The following PRELID2 variants were observed in gnomAD, a reference collection of about 807,000 sequenced individuals.
PRELID2 encodes PRELI domain-containing protein 2.
Under a neutral mutation model 28.4 loss-of-function variants are expected in PRELID2, and 25 were observed. The ratio of observed to expected loss-of-function variants is 0.88; its 90% confidence interval spans 0.64 to 1.23. The LOEUF (loss-of-function observed/expected upper bound fraction) is 1.23, where lower values mean the gene tolerates loss of function less well. Ranked by LOEUF, PRELID2 falls within the 50% of genes most tolerant of loss-of-function variation. The pLI is 0.00. For synonymous variants in PRELID2, 76 were observed against 71.6 expected, an observed-to-expected ratio of 1.06 and a Z score of -0.31; for missense variants, 201 against 214.4, an observed-to-expected ratio of 0.94 and a Z score of 0.39.
chr5:145,787,729 C>G (rs187006015), intron 5 of PRELID2, among the ~76,000 whole-genome samples: 1 of 151,940 alleles, frequency 6.6e-6, no homozygotes, highest in Admixed American at 6.6e-5. Context: ...TCTGTAGAGA[C>G]GAGATCTCCC....
intron 5 of PRELID2, chr5:145,796,154 A>G (rs958367404): frequency 7.6e-5 from 17 of 225,042 alleles, no homozygotes; most frequent in Non-Finnish European, 1.5e-4. Flanking sequence ...CATACTATAC[A>G]TTATTATTCA....
chr5:145,452,889 C>G, the PRELID2 span, among the ~76,000 whole-genome samples: 1 of 152,108 alleles, frequency 6.6e-6, no homozygotes, highest in Non-Finnish European at 1.5e-5. Flanking sequence ...GGGCCATTTC[C>G]TGGGTGACAA....
chr5:145,792,934 G>A (rs1581214518), intron 5 of PRELID2, among the ~76,000 whole-genome samples: 2 of 152,174 alleles, frequency 1.3e-5, no homozygotes, highest in East Asian at 1.9e-4. Flanking sequence ...GAATAGGGAG[G>A]GCCAAAGTGA....
At chr5:145,738,155 C>T (rs369108201) in intron 1 of PRELID2, among the ~76,000 whole-genome samples, 1 of 152,156 alleles carries the variant, frequency 6.6e-6, no homozygotes, top group African/African-American at 2.4e-5. Flanking sequence ...TGAGTGGGAA[C>T]CTTTATCTCC....
chr5:145,494,712 C>T (rs994849534), intron 1 of PRELID2, among the ~76,000 whole-genome samples: 4 of 151,898 alleles, frequency 2.6e-5, no homozygotes, highest in African/African-American at 9.7e-5. Context: ...GTATTATGTA[C>T]CATGAGAAGA....
the PRELID2 span, among the ~76,000 whole-genome samples, chr5:145,452,462 T>G: frequency 1.3e-5 from 2 of 152,202 alleles, no homozygotes; most frequent in Non-Finnish European, 2.9e-5. Flanking sequence ...TCTTATTTTT[T>G]GGACCTCAAC....
intron 5 of PRELID2, among the ~76,000 whole-genome samples, chr5:145,777,646 C>A (rs1421907174): frequency 6.6e-6 from 1 of 152,126 alleles, no homozygotes; most frequent in Non-Finnish European, 1.5e-5. Context: ...CTGGCAGGAG[C>A]CCAGGGGCAG....
chr5:145,568,404 C>T (rs1048466769), intron 1 of PRELID2, among the ~76,000 whole-genome samples: 2 of 152,166 alleles, frequency 1.3e-5, no homozygotes, highest in South Asian at 2.1e-4. Context: ...TGGTTATCCA[C>T]GACTATTCTC....
the PRELID2 span, among the ~76,000 whole-genome samples, chr5:145,367,670 GCCTTTT>G: frequency 6.6e-6 from 1 of 151,794 alleles, no homozygotes; most frequent in East Asian, 1.9e-4. Flanking sequence ...TCACAGTTTT[GCCTTTT>G]CCATAACGTC....
the PRELID2 span, among the ~76,000 whole-genome samples, chr5:145,271,240 T>C: frequency 6.6e-6 from 1 of 152,020 alleles, no homozygotes; most frequent in Non-Finnish European, 1.5e-5. Flanking sequence ...TCTACACTTA[T>C]ATATATTTTT....
At chr5:145,421,223 G>C in the PRELID2 span, among the ~76,000 whole-genome samples, 1 of 148,696 alleles carries the variant, frequency 6.7e-6, no homozygotes. Flanking sequence ...GCCTGGCTTT[G>C]GTATCAGAAT....
chr5:145,798,686 T>C (rs1291974419), intron 4 of PRELID2, among the ~76,000 whole-genome samples: 8 of 152,198 alleles, frequency 5.3e-5, no homozygotes, highest in Non-Finnish European at 1.5e-5. Context: ...TGGAATAGTA[T>C]GCAGCCATAA....
chr5:145,749,020 C>T (rs1757063545), intron 1 of PRELID2, among the ~76,000 whole-genome samples: 1 of 152,096 alleles, frequency 6.6e-6, no homozygotes, highest in Non-Finnish European at 1.5e-5. Context: ...ACCAAAAAAA[C>T]TCCAGAAGAA....
chr5:145,420,391 A>G, the PRELID2 span, among the ~76,000 whole-genome samples: 4 of 151,322 alleles, frequency 2.6e-5, no homozygotes, highest in Non-Finnish European at 4.4e-5. Flanking sequence ...ATTTGTTTGT[A>G]TCCTCTTTTA....
chr5:145,466,422 A>G, the PRELID2 span, among the ~76,000 whole-genome samples: 1 of 152,200 alleles, frequency 6.6e-6, no homozygotes, highest in Non-Finnish European at 1.5e-5. Flanking sequence ...TGATCAAACT[A>G]ACATGAATTT....
chr5:145,427,645 A>C, the PRELID2 span, among the ~76,000 whole-genome samples: 1 of 152,294 alleles, frequency 6.6e-6, no homozygotes, highest in African/African-American at 2.4e-5. Flanking sequence ...AAAAGGAACG[A>C]ACCATAGTCC....
intron 4 of PRELID2, among the ~76,000 whole-genome samples, chr5:145,811,181 A>G (rs978045385): frequency 1.3e-5 from 2 of 151,538 alleles, no homozygotes; most frequent in Non-Finnish European, 2.9e-5. Context: ...TCACTATCAC[A>G]AGAACAGCAT....
intron 1 of PRELID2, among the ~76,000 whole-genome samples, chr5:145,550,544 A>C (rs1483186124): frequency 2.0e-5 from 3 of 152,166 alleles, no homozygotes; most frequent in Non-Finnish European, 4.4e-5. Flanking sequence ...ACTGCCCTCT[A>C]ACCTGGGCAA....
At chr5:145,811,674 G>C (rs911898201) in intron 4 of PRELID2, among the ~76,000 whole-genome samples, 1 of 152,194 alleles carries the variant, frequency 6.6e-6, no homozygotes, top group African/African-American at 2.4e-5. Context: ...AGGGAGTCAG[G>C]TTGGCTGTGT....
Sources: allele counts gnomAD v4.1 joint callset (sites outside exome capture counted in the v4.1 genomes callset), GRCh38; gene constraint gnomAD v4.1.1; transcripts MANE v1.5; gene names NCBI Gene and HGNC (gene_info 2026-07-23, HGNC 2026-07-21).